Variants in VGLL4 observed in about 807,000 individuals in gnomAD.
VGLL4 encodes the protein transcription cofactor vestigial-like protein 4.
VGLL4 carries 7 observed loss-of-function variants against 21.0 expected under a neutral mutation model. The ratio of observed to expected loss-of-function variants is 0.33; its 90% CI spans 0.19 to 0.63. The LOEUF (loss-of-function observed/expected upper bound fraction) is 0.63, where lower values mean the gene tolerates loss of function less well. VGLL4 is among the 20% of genes least tolerant of loss of function. The pLI, the probability that VGLL4 is intolerant of heterozygous loss-of-function variation, is 0.78. For synonymous variants in VGLL4, 222 were observed against 173.2 expected, an observed-to-expected ratio of 1.28 and a Z score of -2.21; for missense variants, 394 against 425.7, an observed-to-expected ratio of 0.93 and a Z score of 0.66.
At position 11,618,624 on chromosome 3, in the gene VGLL4, T is replaced by G. The variant is rs929552851; in HGVS notation, c.83-16602A>C. 3.3e-5 allele frequency among the ~76,000 whole-genome samples: 5 copies of G among 152,138 alleles called. No individual in the cohort carries two copies. In the South Asian group the frequency reaches 1.0e-3, roughly 31 times the overall value. On this transcript the variant is annotated intron_variant, in intron 1 of 4. Transcript: ENST00000430365. ...AAATCGTAAGATCCTTATGCAAAAA[T>G]TATACACAATCAAGGACTTTTGTTT...
chr3:11,635,981 A>G (rs1240759538), intron 1 of VGLL4, among the ~76,000 whole-genome samples: 1 of 152,242 alleles, frequency 6.6e-6, no homozygotes, highest in Non-Finnish European at 1.5e-5. Flanking sequence ...GGGTCAGCCA[A>G]TAGTTTATCA....
chr3:11,611,358 T>C (rs1401194329), intron 1 of VGLL4, among the ~76,000 whole-genome samples: 1 of 152,116 alleles, frequency 6.6e-6, no homozygotes, highest in Non-Finnish European at 1.5e-5. Flanking sequence ...AAGGCCACCA[T>C]GCGAGGATAT....
At chr3:11,637,056 TAAA>T (rs34115389) in intron 1 of VGLL4, among the ~76,000 whole-genome samples, 2 of 129,392 alleles carry the variant, frequency 1.5e-5, no homozygotes, top group Non-Finnish European at 1.7e-5. Flanking sequence ...CTATACAGGG[TAAA>T]AAAAAAAAAA....
intron 2 of VGLL4, among the ~76,000 whole-genome samples, chr3:11,597,002 C>CAACTTGTA (rs2074661156): frequency 6.6e-6 from 1 of 152,052 alleles, no homozygotes; most frequent in African/African-American, 2.4e-5. Context: ...GAGCCTAGAA[C>CAACTTGTA]AACTTGTAGG....
chr3:11,564,984 G>A lies in VGLL4; in HGVS notation c.308C>T (p.Pro103Leu), dbSNP rs763894231. 1 of 1,527,318 alleles carries A rather than the reference G, an allele frequency of 6.5e-7. No individual in the cohort carries two copies. Among genetic ancestry groups the A allele is most frequent in the Non-Finnish European group, 8.8e-7 (1 of 1,138,594 alleles). The allele number at this position is 1,527,318 out of a possible 1,614,324, so 94.6% of individuals were successfully genotyped here. Residue 103 changes from proline (P) to leucine (L), a missense_variant, in exon 3 of 5, where the codon CCC becomes CTC. Transcript: ENST00000430365. ...KTANGDCRRD[P>L]RERSRSPIER... ...GATGGGGCTGCGGCTCCGCTCCCGG[G>A]GGTCTCTGCGGCAGTCTCCATTGGC... is the stretch of plus-strand genomic sequence containing the variant.
At chr3:11,707,300 C>G (rs2076775186) in intron 1 of VGLL4, among the ~76,000 whole-genome samples, 1 of 135,980 alleles carries the variant, frequency 7.4e-6, no homozygotes, top group Non-Finnish European at 1.5e-5. Context: ...TGCACTCCAG[C>G]CTGGGCAACA....
chr3:11,573,256 AAAG>A (rs2073860749), intron 2 of VGLL4, among the ~76,000 whole-genome samples: 1 of 7,630 alleles, frequency 1.3e-4, no homozygotes, highest in Non-Finnish European at 2.0e-4. Context: ...AGAAAGAAAG[AAAG>A]AAAGAAAGAA....
intron 1 of VGLL4, chr3:11,610,444 G>GC (rs1559898645): frequency 6.6e-6 from 1 of 152,150 alleles, no homozygotes; most frequent in Non-Finnish European, 1.5e-5. Flanking sequence ...CTGCCCAAGC[G>GC]CAAGGATCGC....
At chr3:11,644,294 T>C (rs1178923169), upstream of VGLL4, among the ~76,000 whole-genome samples, 1 of 152,132 alleles carries the variant, frequency 6.6e-6, no homozygotes, top group African/African-American at 2.4e-5. Flanking sequence ...GCCATATATA[T>C]ATATATAGTG....
intron 1 of VGLL4, among the ~76,000 whole-genome samples, chr3:11,630,597 G>T (rs1209248520): frequency 1.3e-5 from 2 of 152,068 alleles, no homozygotes; most frequent in East Asian, 3.9e-4. Flanking sequence ...AGTGAGCCAA[G>T]ATCACGCCAC....
chr3:11,643,411 C>A (rs1402957158), intron 1 of VGLL4, 26 bp downstream of exon 1: 1 of 1,613,790 alleles, frequency 6.2e-7, no homozygotes, highest in Non-Finnish European at 8.5e-7. Context: ...GAGCAACGGG[C>A]AGTAATTCTA....
intron 2 of VGLL4, among the ~76,000 whole-genome samples, chr3:11,584,445 C>CGA (rs1037579880): frequency 6.6e-6 from 1 of 151,672 alleles, no homozygotes. Context: ...GGGAAGATGC[C>CGA]GAGAGAGAGA....
At position 11,580,457 on chromosome 3, in the gene VGLL4, G is replaced by T. The variant is rs114647688; in HGVS notation, c.273-15438C>A. Among the ~76,000 whole-genome samples, 147 of 152,284 alleles carry T rather than the reference G, an allele frequency of 9.7e-4. 2 individuals are homozygous for T. The East Asian group carries it at 0.023, about 24-fold the overall frequency. ...TGTGAATAATGCTGCTATGAACATG[G>T]GTGTGCAAGTATCCGTTCAAGTCTC... On this transcript the variant is annotated intron_variant, in intron 2 of 4. Transcript: ENST00000430365.
At chr3:11,717,403 C>T (rs2076933934) in intron 1 of VGLL4, among the ~76,000 whole-genome samples, 1 of 151,460 alleles carries the variant, frequency 6.6e-6, no homozygotes, top group Admixed American at 6.6e-5. Context: ...ACGAAATAAA[C>T]TCTCCCTTTG....
chr3:11,607,011 A>G (rs2074960715), intron 1 of VGLL4, among the ~76,000 whole-genome samples: 1 of 152,218 alleles, frequency 6.6e-6, no homozygotes, highest in African/African-American at 2.4e-5. Flanking sequence ...CAGCATGGCC[A>G]TGGTGGAAAA....
intron 4 of VGLL4, 106 bp from the exon 5 acceptor site, chr3:11,558,933 CG>C: frequency 7.4e-7 from 1 of 1,357,116 alleles, no homozygotes; most frequent in South Asian, 1.3e-5. Flanking sequence ...CTGGCTGCCA[CG>C]GTCAGCGTGG....
chr3:11,670,871 C>A (rs1287213621), intron 2 of VGLL4, among the ~76,000 whole-genome samples: 1 of 152,160 alleles, frequency 6.6e-6, no homozygotes, highest in Non-Finnish European at 1.5e-5. Context: ...AACCCCACCT[C>A]TACTAAAAAT....
chr3:11,594,837 T>C (rs1361597533), intron 2 of VGLL4, among the ~76,000 whole-genome samples: 2 of 152,130 alleles, frequency 1.3e-5, no homozygotes, highest in Admixed American at 1.3e-4. Flanking sequence ...GAGGAGCTGG[T>C]AGGAAAAGAT....
At chr3:11,573,387 GAAAGAAAGAAAA>G (rs1240679960) in intron 2 of VGLL4, among the ~76,000 whole-genome samples, 6 of 147,090 alleles carry the variant, frequency 4.1e-5, no homozygotes, top group African/African-American at 1.5e-4. Flanking sequence ...AAGAAAGAAA[GAAAGAAAGAAAA>G]TGGCCCCATA....
Sources: gnomAD v4.1 joint callset for allele counts (sites outside exome capture counted in the v4.1 genomes callset) on GRCh38, gnomAD v4.1.1 for gene constraint, MANE v1.5 for transcripts, NCBI Gene and HGNC (gene_info 2026-07-23, HGNC 2026-07-21) for gene names.